TNFAIP2: variants seen among roughly 807,000 people sequenced by gnomAD.
The protein encoded by TNFAIP2 is tumor necrosis factor alpha-induced protein 2.
Under a neutral mutation model 63.5 loss-of-function variants are expected in TNFAIP2, and 47 were observed. The ratio of observed to expected loss-of-function variants is 0.74; its 90% CI spans 0.59 to 0.94. The LOEUF (loss-of-function observed/expected upper bound fraction) is 0.94, where lower values mean the gene tolerates loss of function less well. Among genes scored for constraint, TNFAIP2 ranks in the 40% least tolerant of loss-of-function variants. TNFAIP2 has a pLI of 0.00. For missense variants in TNFAIP2, 787 were observed against 850.2 expected, an observed-to-expected ratio of 0.93 and a Z score of 0.92; for synonymous variants, 405 against 390.2, an observed-to-expected ratio of 1.04 and a Z score of -0.45.
chr14:103,131,566 G>C lies in TNFAIP2; in HGVS notation c.1299-73G>C. On this transcript the variant is annotated intron_variant, in intron 7 of 11. Transcript: ENST00000560869. The surrounding 1 kb of genome is among the most constrained non-coding windows in gnomAD (Gnocchi z 4.0). The stretch of plus-strand genomic sequence containing the variant: ...GAGGGTTCTAGAGTGAAGAGAGGGG[G>C]CTGTCTGGCTCCCTGGGTATGGGGC... 6.7e-7 allele frequency: 1 copy of C among 1,494,122 alleles called. No individual in the cohort carries two copies. The highest frequency in any genetic ancestry group is 8.9e-7 in the Non-Finnish European group (1 of 1,120,516). 92.6% of individuals were successfully genotyped at this position (1,494,122 alleles called of 1,614,324 possible).
chr14:103,126,687 C>T lies in TNFAIP2; in HGVS notation c.230C>T (p.Pro77Leu). 1 of 1,558,488 alleles carries T rather than the reference C, an allele frequency of 6.4e-7. No individual in the cohort carries two copies. Among genetic ancestry groups the T allele is most frequent in the East Asian group, 2.4e-5 (1 of 42,504 alleles). The change falls in exon 2 of 12, where the codon CCC becomes CTC. Residue 77 changes from proline (P) to leucine (L), a missense_variant. This residue lies in a region of TNFAIP2 where 258 missense variants were observed against 228.9 expected (regional missense o/e 1.13). Coordinates refer to ENST00000560869, the MANE Select transcript of TNFAIP2 (RefSeq NM_006291.4). ...GSRQGLDGPP[P>L]TVEELKAALE... Reference sequence around the variant, plus strand: ...AGGCAGGGGCTGGATGGCCCGCCCCCCACAGGTGCTCTAGGACCCTGGGTT... The same window carrying T: ...AGGCAGGGGCTGGATGGCCCGCCCCTCACAGGTGCTCTAGGACCCTGGGTT...
intron 3 of TNFAIP2, among the ~76,000 whole-genome samples, chr14:103,128,485 G>GT (rs2087907089): frequency 6.6e-6 from 1 of 152,166 alleles, no homozygotes; most frequent in African/African-American, 2.4e-5. Flanking sequence ...GGCCCAGGGC[G>GT]GGGGAGTCCA....
chr14:103,129,719 G>A, intron 3 of TNFAIP2, 21 bp from the exon 4 acceptor site: 1 of 1,609,392 alleles, frequency 6.2e-7, no homozygotes, highest in Non-Finnish European at 8.5e-7. Context: ...TTGTCCTCAT[G>A]CCAGCCTCCC....
rs759854191 is a variant in TNFAIP2, at chr14:103,126,342, A to C, written c.-116A>C. The C allele has an allele frequency of 3.1e-4, 219 of 714,104 alleles. No individual in the cohort carries two copies. Among genetic ancestry groups the C allele is most frequent in the Non-Finnish European group, 5.0e-4 (213 of 429,662 alleles). 44.2% of individuals were successfully genotyped at this position (714,104 alleles called of 1,614,324 possible). A position where few individuals can be genotyped will look rare whatever the true frequency, so the allele number is the denominator to read the frequency against. On this transcript the variant is annotated 5_prime_UTR_variant, in exon 2 of 12. Transcript: ENST00000560869. ...CAGGCCTGAACCAGGGTGATGCTGA[A>C]GATGATGACCTTCTTCCAAGGCCTC...
intron 3 of TNFAIP2, among the ~76,000 whole-genome samples, chr14:103,129,509 G>A (rs1235093688): frequency 6.6e-6 from 1 of 151,834 alleles, no homozygotes; most frequent in Non-Finnish European, 1.5e-5. Context: ...CCTAATGGGG[G>A]GGGGGTGGTG....
In TNFAIP2 at chr14:103,135,447, C is replaced by T. The variant is rs556442685; in HGVS notation, c.*87C>T. ...AGCTGTTAAGAGCAGCGCTGGTTCT[C>T]GGTTCCTCCCGGGTCTCCTGTGCTC... On this transcript the variant is annotated 3_prime_UTR_variant, in exon 12 of 12. Transcript: ENST00000560869. The surrounding 1 kb of genome is among the most constrained non-coding windows in gnomAD (Gnocchi z 7.6). The T allele has an allele frequency of 1.3e-4, 195 of 1,514,770 alleles. No individual in the cohort carries two copies. Among genetic ancestry groups the T allele is most frequent in the Non-Finnish European group, 1.6e-4 (181 of 1,139,320 alleles). 93.8% of individuals were successfully genotyped at this position (1,514,770 alleles called of 1,614,324 possible). A position where few individuals can be genotyped will look rare whatever the true frequency, so the allele number is the denominator to read the frequency against.
At position 103,131,685 on chromosome 14, in the gene TNFAIP2, C is replaced by T. The variant is rs745839940; in HGVS notation, c.1345C>T (p.Leu449Phe). ...NWQVPQDTLSLLLGPLGELKS... is the reference protein window; with the variant it reads ...NWQVPQDTLSFLLGPLGELKS... ...GCAGGTACCCCAGGACACCCTGAGC[C>T]TCCTGCTGGGCCCCCTGGGTGAGCT... Residue 449 changes from leucine (L) to phenylalanine (F), a missense_variant, in exon 8 of 12, where the codon CTC (leucine) becomes TTC (phenylalanine). Around this residue, in one of 3 missense-constraint regions of TNFAIP2, gnomAD observed 523 missense variants for 604.1 expected, o/e 0.87. Transcript: ENST00000560869. The surrounding 1 kb of genome is among the most constrained non-coding windows in gnomAD (Gnocchi z 4.0). The T allele has an allele frequency of 4.4e-6, 7 of 1,608,040 alleles. No individual in the cohort carries two copies. The highest frequency in any genetic ancestry group is 5.9e-6 in the Non-Finnish European group (7 of 1,179,490).
In TNFAIP2 at chr14:103,127,250, C is replaced by A; in HGVS notation, c.481C>A (p.Gln161Lys). 1.9e-6 allele frequency: 2 copies of A among 1,040,688 alleles called. No homozygotes were observed. The highest frequency in any genetic ancestry group is 2.3e-6 in the Non-Finnish European group (2 of 865,748). 64.5% of individuals were successfully genotyped at this position (1,040,688 alleles called of 1,614,324 possible). The change falls in exon 3 of 12, where the codon CAG becomes AAG. Residue 161 changes from glutamine (Q) to lysine (K), a missense_variant. Coordinates refer to ENST00000560869, the MANE Select transcript of TNFAIP2 (RefSeq NM_006291.4). The surrounding 1 kb of genome is among the most constrained non-coding windows in gnomAD (Gnocchi z 5.1). ...CCAGGCGCTGGCCGTGGTGGCGGAG[C>A]AGGAGCGCGAGGACCGCCAGGCGGC... ...LRQALAVVAE[Q>K]EREDRQAAAA... is the part of the protein sequence containing the mutation.
rs1450630749 is a variant in TNFAIP2, at chr14:103,131,394, A to G, written c.1298+244A>G. On this transcript the variant is annotated intron_variant, in intron 7 of 11. Coordinates refer to ENST00000560869, the MANE Select transcript of TNFAIP2 (RefSeq NM_006291.4). The surrounding 1 kb of genome is among the most constrained non-coding windows in gnomAD (Gnocchi z 4.0). ...CTTAAAGCAACCCTGTGAAGTAGGT[A>G]TAGTGATCTGTCTATTAGGCAGATG... Among the ~76,000 whole-genome samples the G allele has an allele frequency of 1.3e-5, 2 of 152,188 alleles. No homozygotes were observed. Among genetic ancestry groups the G allele is most frequent in the Non-Finnish European group, 2.9e-5 (2 of 68,020 alleles).
In TNFAIP2 at chr14:103,131,556, A is replaced by G. The variant is rs995323673; in HGVS notation, c.1299-83A>G. ...GGGAGCCATTGAGGGTTCTAGAGTG[A>G]AGAGAGGGGGCTGTCTGGCTCCCTG... On this transcript the variant is annotated intron_variant, in intron 7 of 11. Coordinates refer to ENST00000560869, the MANE Select transcript of TNFAIP2 (RefSeq NM_006291.4). The surrounding 1 kb of genome is among the most constrained non-coding windows in gnomAD (Gnocchi z 4.0). The G allele has an allele frequency of 1.0e-5, 15 of 1,479,560 alleles. No individual in the cohort carries two copies. Among genetic ancestry groups the G allele is most frequent in the African/African-American group, 2.8e-5 (2 of 71,654 alleles). 91.7% of individuals were successfully genotyped at this position (1,479,560 alleles called of 1,614,324 possible).
intron 3 of TNFAIP2, 56 bp from the exon 4 acceptor site, chr14:103,129,684 G>T: frequency 1.3e-6 from 2 of 1,525,822 alleles, no homozygotes; most frequent in South Asian, 2.3e-5. Flanking sequence ...GCTCTAGCTT[G>T]AGTGGTGGTG....
rs760095105 is a variant in TNFAIP2, at chr14:103,130,026, C to G, written c.1000C>G (p.Arg334Gly). 2 of 1,612,540 alleles carry G rather than the reference C, an allele frequency of 1.2e-6. No individual in the cohort carries two copies. The highest frequency in any genetic ancestry group is 2.7e-5 in the African/African-American group (2 of 74,990). The change falls in exon 5 of 12, where the codon CGA becomes GGA. Residue 334 changes from arginine to glycine, a missense_variant. By Grantham distance (125) the Arg-to-Gly change is moderately radical. This residue lies in a region of TNFAIP2 where 523 missense variants were observed against 604.1 expected (regional missense o/e 0.87). Coordinates refer to ENST00000560869, the MANE Select transcript of TNFAIP2 (RefSeq NM_006291.4). ...EAANVRELMD[R>G]ALELEARRWA... is the part of the protein sequence containing the mutation. ...GGCCAATGTGAGGGAGTTGATGGACCGAGCTCTGGAGCTAGAGGCACGGCG... is the reference window on the plus strand; with the variant it reads ...GGCCAATGTGAGGGAGTTGATGGACGGAGCTCTGGAGCTAGAGGCACGGCG...
rs906548173 is a variant in TNFAIP2, at chr14:103,126,892, G to T, written c.236-113G>T. On this transcript the variant is annotated intron_variant, in intron 2 of 11. Transcript: ENST00000560869. The stretch of plus-strand genomic sequence containing the variant: ...GGACACCGACATCACCCTTTAGGGT[G>T]TTGGCCGCCGGCCCTGTGCGCGTCT... 44 of 1,400,942 alleles carry T rather than the reference G, an allele frequency of 3.1e-5. 1 individual carries two copies. The highest frequency in any genetic ancestry group is 5.6e-6 in the Non-Finnish European group (6 of 1,073,908). The allele number at this position is 1,400,942 out of a possible 1,614,324, so 86.8% of individuals were successfully genotyped here.
Position 103,133,443 on chromosome 14 carries a change from G to A in TNFAIP2, c.1627G>A (p.Ala543Thr). The A allele has an allele frequency of 1.2e-6, 2 of 1,614,010 alleles. No individual in the cohort carries two copies. The highest frequency in any genetic ancestry group is 1.7e-6 in the Non-Finnish European group (2 of 1,180,020). Residue 543 changes from alanine to threonine, a missense_variant, in exon 10 of 12, where the codon GCC becomes ACC. Ala to Thr is a moderately conservative substitution (Grantham distance 58). Transcript: ENST00000560869. Reference protein sequence around the residue: ...LSKGRLVLKTAEQQQQLAGYI... With the variant: ...LSKGRLVLKTTEQQQQLAGYI... The stretch of plus-strand genomic sequence containing the variant: ...CAAGGGGCGCCTGGTCCTCAAGACG[G>A]CCGAGCAGCAGCAGCAGCTGGCTGG...
upstream of TNFAIP2, chr14:103,122,958 C>G (rs904495228): frequency 2.1e-5 from 8 of 375,554 alleles, no homozygotes; most frequent in Non-Finnish European, 4.2e-5. Context: ...GCCTTGTAGC[C>G]CCCTTCCCCT....
rs1410115081 is a variant in TNFAIP2 at position 103,131,622 on chromosome 14, C to G, written c.1299-17C>G. ...GCTGAGCAGGGCTGGGGTGACCTCT[C>G]TGCCTCCACCTTCCAGGATGTCCAT... On this transcript the variant is annotated splice_polypyrimidine_tract_variant and intron_variant, in intron 7 of 11. Transcript: ENST00000560869. The surrounding 1 kb of genome is among the most constrained non-coding windows in gnomAD (Gnocchi z 4.0). 2 of 1,580,864 alleles carry G rather than the reference C, an allele frequency of 1.3e-6. No homozygotes were observed. Among genetic ancestry groups the G allele is most frequent in the East Asian group, 2.3e-5 (1 of 43,932 alleles).
chr14:103,131,647 TG>T lies in TNFAIP2; in HGVS notation c.1309del (p.Glu437SerfsTer11). 1 of 1,595,682 alleles carries T rather than the reference TG, an allele frequency of 6.3e-7. No homozygotes were observed. On this transcript the variant is annotated frameshift_variant, in exon 8 of 12. Coordinates refer to ENST00000560869, the MANE Select transcript of TNFAIP2 (RefSeq NM_006291.4). LOFTEE classifies it high-confidence loss of function. The surrounding 1 kb of genome is among the most constrained non-coding windows in gnomAD (Gnocchi z 4.0). Reference protein sequence around the residue: ...INNCLSFRMSMEQNWQVPQDT... With the variant: ...INNCLSFRMSXEQNWQVPQDT... Reference sequence around the variant, plus strand: ...CTGCCTCCACCTTCCAGGATGTCCATGGAGCAGAATTGGCAGGTACCCCAGG... The same window carrying T: ...CTGCCTCCACCTTCCAGGATGTCCATGAGCAGAATTGGCAGGTACCCCAGG...
rs2087963582 is a variant in TNFAIP2 at position 103,131,138 on chromosome 14, G to T, written c.1286G>T (p.Cys429Phe). ...AATGTTATTGCCAACATCAACAACT[G>T]CCTGTCCTTCCGGTGAGAGTGTTGG... ...RANVIANINNCLSFRMSMEQN... is the reference protein window; with the variant it reads ...RANVIANINNFLSFRMSMEQN... The change falls in exon 7 of 12, where the codon TGC (cysteine) becomes TTC (phenylalanine). Residue 429 changes from cysteine to phenylalanine, a missense_variant. Transcript: ENST00000560869. This position sits in a 1 kb window ranked among gnomAD's most constrained non-coding sequence, Gnocchi z 4.0. The T allele has an allele frequency of 3.7e-6, 6 of 1,614,170 alleles. No homozygotes were observed. The highest frequency in any genetic ancestry group is 5.1e-6 in the Non-Finnish European group (6 of 1,180,006).
chr14:103,122,505 C>T (rs1426222746), upstream of TNFAIP2: 3 of 374,686 alleles, frequency 8.0e-6, no homozygotes, highest in Admixed American at 3.0e-5. Flanking sequence ...GAATTCCTAG[C>T]CTAGAGTGTG....
Sources: allele counts gnomAD v4.1 joint callset (sites outside exome capture counted in the v4.1 genomes callset), GRCh38; gene constraint gnomAD v4.1.1; regional missense constraint gnomAD v4.1.1; non-coding constraint Gnocchi (gnomAD v3.1); transcripts MANE v1.5; gene names NCBI Gene and HGNC (gene_info 2026-07-23, HGNC 2026-07-21).